NFAT5: variants seen among roughly 807,000 people sequenced by gnomAD.
NFAT5 encodes the protein nuclear factor of activated T-cells 5.
NFAT5 carries 31 observed loss-of-function variants against 166.5 expected under a neutral mutation model. That is an observed-to-expected ratio of 0.19 (90% CI 0.14 to 0.25). The LOEUF (loss-of-function observed/expected upper bound fraction) is 0.25. NFAT5 is among the 10% of genes least tolerant of loss of function. The pLI is 1.00. For missense variants in NFAT5, 1,449 were observed against 1,821.8 expected (o/e 0.80, Z 3.72); for synonymous variants, 612 against 639.7 (o/e 0.96, Z 0.65).
rs1276805163 is a variant in NFAT5 at position 69,648,157 on chromosome 16, CAA to C, written c.812+572_812+573del. 34 of 935,702 alleles carry C rather than the reference CAA, an allele frequency of 3.6e-5. No individual in the cohort carries two copies. In the East Asian group the frequency reaches 2.9e-3, roughly 80 times the overall value. The allele number at this position is 935,702 out of a possible 1,614,324, so 58.0% of individuals were successfully genotyped here. On this transcript the variant is annotated intron_variant, in intron 4 of 14. Transcript: ENST00000349945. The stretch of plus-strand genomic sequence containing the variant: ...CGCCACTGTACTCCAGCCTGGGCGA[CAA>C]GAGCGAAACTCCATCTCAAAAAAAA...
intron 2 of NFAT5, among the ~76,000 whole-genome samples, chr16:69,597,018 A>C (rs1362706325): frequency 1.3e-5 from 2 of 152,162 alleles, no homozygotes; most frequent in African/African-American, 4.8e-5. Context: ...TGCTATCAAA[A>C]TCAGTCCTGA....
At chr16:69,687,169 T>C (rs1292350851) in intron 11 of NFAT5, among the ~76,000 whole-genome samples, 1 of 151,962 alleles carries the variant, frequency 6.6e-6, no homozygotes, top group Non-Finnish European at 1.5e-5. Flanking sequence ...AGGCCAGATG[T>C]GGTGACTCAC....
At chr16:69,651,074 A>G (rs549404237) in intron 4 of NFAT5, among the ~76,000 whole-genome samples, 2 of 152,332 alleles carry the variant, frequency 1.3e-5, no homozygotes, top group South Asian at 4.2e-4. Flanking sequence ...TGATTTACTT[A>G]TGTCAAATTT....
At chr16:69,673,595 T>C (rs1363607099) in intron 9 of NFAT5, among the ~76,000 whole-genome samples, 1 of 152,002 alleles carries the variant, frequency 6.6e-6, no homozygotes, top group African/African-American at 2.4e-5. Flanking sequence ...TGGTGGCACA[T>C]GCATATAGTT....
At chr16:69,644,788 C>T in intron 3 of NFAT5, 1 of 449,462 alleles carries the variant, frequency 2.2e-6, no homozygotes, top group Non-Finnish European at 4.5e-6. Context: ...TTCCATCTGT[C>T]ATGAACAGGG....
chr16:69,672,430 T>A lies in NFAT5; in HGVS notation c.1557+2142T>A, dbSNP rs143951615. On this transcript the variant is annotated intron_variant, in intron 9 of 14. Coordinates refer to ENST00000349945, the MANE Select transcript of NFAT5 (RefSeq NM_138713.4). ...TTAGATTATTTGAGACTCCTCTGAC[T>A]CTAACATTTTATTATTTCTTATATT... Among the ~76,000 whole-genome samples, 504 of 152,360 alleles carry A rather than the reference T, an allele frequency of 3.3e-3. 6 individuals are homozygous for A. Among genetic ancestry groups the A allele is most frequent in the African/African-American group, 0.011 (478 of 41,584 alleles).
At chr16:69,621,543 G>T (rs556189391) in intron 2 of NFAT5, among the ~76,000 whole-genome samples, 1 of 152,158 alleles carries the variant, frequency 6.6e-6, no homozygotes, top group South Asian at 2.1e-4. Flanking sequence ...CGTATCTTGT[G>T]TTTATAAACC....
intron 4 of NFAT5, among the ~76,000 whole-genome samples, chr16:69,651,315 C>A (rs2035655708): frequency 6.6e-6 from 1 of 152,224 alleles, no homozygotes; most frequent in Admixed American, 6.5e-5. Context: ...ATCAGTCTTA[C>A]TGAATTCCTA....
At chr16:69,625,298 T>C (rs2034404936) in intron 2 of NFAT5, among the ~76,000 whole-genome samples, 1 of 152,008 alleles carries the variant, frequency 6.6e-6, no homozygotes, top group African/African-American at 2.4e-5. Flanking sequence ...CAATAAAGGA[T>C]ATTTTAAAAA....
At chr16:69,610,030 C>T (rs892955743) in intron 2 of NFAT5, among the ~76,000 whole-genome samples, 5 of 150,440 alleles carry the variant, frequency 3.3e-5, no homozygotes, top group East Asian at 2.0e-4. Context: ...ACAGATAGAG[C>T]GAGTGTCTTG....
At chr16:69,589,491 C>T (rs2032325371) in intron 2 of NFAT5, among the ~76,000 whole-genome samples, 1 of 151,922 alleles carries the variant, frequency 6.6e-6, no homozygotes, top group Non-Finnish European at 1.5e-5. Context: ...ACAATAAAAC[C>T]TCAACTCAGA....
At chr16:69,661,539 T>TTAAAAA (rs2036140565) in intron 7 of NFAT5, among the ~76,000 whole-genome samples, 2 of 37,930 alleles carry the variant, frequency 5.3e-5, no homozygotes, top group African/African-American at 1.2e-4. Flanking sequence ...CCCAGTCTCT[T>TTAAAAA]AAAAAAAAAA....
intron 11 of NFAT5, among the ~76,000 whole-genome samples, chr16:69,688,220 A>C (rs893158475): frequency 1.0e-4 from 15 of 147,394 alleles, no homozygotes; most frequent in East Asian, 4.0e-4. Context: ...AAAAAAAAAA[A>C]AAAAAACCAG....
chr16:69,606,490 T>A (rs1316133689), intron 2 of NFAT5, among the ~76,000 whole-genome samples: 1 of 152,168 alleles, frequency 6.6e-6, no homozygotes, highest in African/African-American at 2.4e-5. Context: ...AATGTTTTTT[T>A]AAACTGTGCA....
chr16:69,693,494 G>T lies in NFAT5; in HGVS notation c.3669G>T (p.Gln1223His). 6.2e-7 allele frequency: 1 copy of T among 1,614,162 alleles called. No homozygotes were observed. Among genetic ancestry groups the T allele is most frequent in the Non-Finnish European group, 8.5e-7 (1 of 1,180,030 alleles). ...MLSQEQAQPP[Q>H]QGLFQPQVAL... ...CCCAAGAACAGGCACAACCCCCGCA[G>T]CAGGGTTTATTTCAGCCTCAGGTGG... The change falls in exon 13 of 15, where the codon CAG becomes CAT. Residue 1223 changes from glutamine to histidine, a missense_variant. By Grantham distance (24) the Gln-to-His change is conservative (BLOSUM62 0). This residue lies in a region of NFAT5 where 891 missense variants were observed against 993.0 expected (regional missense o/e 0.90). Coordinates refer to ENST00000349945, the MANE Select transcript of NFAT5 (RefSeq NM_138713.4).
At chr16:69,567,971 T>A (rs1489303004) in intron 1 of NFAT5, among the ~76,000 whole-genome samples, 1 of 152,192 alleles carries the variant, frequency 6.6e-6, no homozygotes, top group Non-Finnish European at 1.5e-5. Context: ...CAATTCAGCC[T>A]CTTTTGCGGG....
At chr16:69,670,508 A>G (rs2036581979) in intron 9 of NFAT5, among the ~76,000 whole-genome samples, 1 of 152,232 alleles carries the variant, frequency 6.6e-6, no homozygotes, top group South Asian at 2.1e-4. Flanking sequence ...TCATTAACAA[A>G]TGTTTCCATT....
At chr16:69,576,098 C>G (rs1043095672) in intron 2 of NFAT5, among the ~76,000 whole-genome samples, 5 of 151,034 alleles carry the variant, frequency 3.3e-5, no homozygotes, top group African/African-American at 7.3e-5. Context: ...GTCAGGAGAT[C>G]AAGATCATCC....
chr16:69,683,883 GAGGTC>G (rs1436075079), intron 10 of NFAT5, among the ~76,000 whole-genome samples: 1 of 152,142 alleles, frequency 6.6e-6, no homozygotes, highest in Non-Finnish European at 1.5e-5. Context: ...CAGATTACCT[GAGGTC>G]AGGAGTTTGA....
Sources: gnomAD v4.1 joint callset for allele counts (sites outside exome capture counted in the v4.1 genomes callset) on GRCh38, gnomAD v4.1.1 for gene constraint, gnomAD v4.1.1 regional missense constraint, MANE v1.5 for transcripts, NCBI Gene and HGNC (gene_info 2026-07-23, HGNC 2026-07-21) for gene names.